Variants in MUC4 observed in about 807,000 individuals in gnomAD.
MUC4 encodes mucin-4.
A neutral mutation model predicts 257.9 loss-of-function variants in MUC4; 202 were observed. The ratio of observed to expected loss-of-function variants is 0.78; its 90% CI spans 0.70 to 0.88. The LOEUF (loss-of-function observed/expected upper bound fraction) is 0.88, where lower values mean the gene tolerates loss of function less well. MUC4 is among the 40% of genes least tolerant of loss of function. The pLI is 0.00. For missense variants in MUC4, 5,976 were observed against 6,513.7 expected (o/e 0.92, Z 2.84); for synonymous variants, 2,351 against 2,757.1 (o/e 0.85, Z 4.62).
At chr3:195,809,343 G>A (rs536125635) in intron 1 of MUC4, among the ~76,000 whole-genome samples, 6 of 152,302 alleles carry the variant, frequency 3.9e-5, no homozygotes, top group African/African-American at 1.4e-4. Context: ...GTATAGGCAG[G>A]TCATCTGTAA....
intron 2 of MUC4, 24 bp downstream of exon 2, chr3:195,778,765 TA>T (rs772967454): frequency 6.3e-7 from 1 of 1,589,278 alleles, no homozygotes; most frequent in Non-Finnish European, 8.6e-7. Context: ...CTGGGAGACA[TA>T]AAGGCGAGGC....
rs763251720 is a variant in MUC4, at chr3:195,789,677, A to G, written c.1903T>C (p.Ser635Pro). 1 of 1,613,936 alleles carries G rather than the reference A, an allele frequency of 6.2e-7. No homozygotes were observed. Among genetic ancestry groups the G allele is most frequent in the Admixed American group, 1.7e-5 (1 of 60,020 alleles). ...STSPQESPAVSQRGHTQAPQT... is the reference protein window; with the variant it reads ...STSPQESPAVPQRGHTQAPQT... ...GGGGCTTGAGTGTGACCCCTTTGGG[A>G]AACAGCTGGTGATTCCTGAGGAGAG... The change falls in exon 2 of 25, where the codon TCC becomes CCC. Residue 635 changes from serine (S) to proline (P), a missense_variant. Physicochemically the swap from Ser to Pro is moderately conservative, Grantham distance 74. Around this residue, in one of 44 missense-constraint regions of MUC4, gnomAD observed 1,583 missense variants for 1,257.4 expected, o/e 1.26. Coordinates refer to ENST00000463781, the MANE Select transcript of MUC4 (RefSeq NM_018406.7).
At chr3:195,802,590 C>A (rs1265394060) in intron 1 of MUC4, among the ~76,000 whole-genome samples, 1 of 151,942 alleles carries the variant, frequency 6.6e-6, no homozygotes, top group Non-Finnish European at 1.5e-5. Context: ...GTCCCGGGGG[C>A]GTGGGTCTAG....
Position 195,747,316 on chromosome 3 carries a change from C to T in MUC4, c.16099G>A (p.Asp5367Asn), listed in dbSNP as rs755852768. The T allele has an allele frequency of 2.2e-5, 35 of 1,614,000 alleles. No homozygotes were observed. Among genetic ancestry groups the T allele is most frequent in the East Asian group, 4.5e-5 (2 of 44,906 alleles). The change falls in exon 25 of 25, where the codon GAC becomes AAC. Residue 5367 changes from aspartate to asparagine, a missense_variant. This residue lies in a region of MUC4 where 310 missense variants were observed against 242.1 expected (regional missense o/e 1.28). Coordinates refer to ENST00000463781, the MANE Select transcript of MUC4 (RefSeq NM_018406.7). The stretch of plus-strand genomic sequence containing the variant: ...CCAAAGAAGATGCCGAAGAACGCGT[C>T]GAGTTTCATGCTCAGGTGCTCACAG... ...EHCEHLSMKL[D>N]AFFGIFFGAL...
rs771393034 is a variant in MUC4 at position 195,790,214 on chromosome 3, T to C, written c.1366A>G (p.Ser456Gly). ...CGTCCTGTGGTCTCTGCACCTTCACTCTGCTGGGTGTGGAAAGCTGTGGAT... is the reference window on the plus strand; with the variant it reads ...CGTCCTGTGGTCTCTGCACCTTCACCCTGCTGGGTGTGGAAAGCTGTGGAT... ...KISTAFHTQQ[S>G]EGAETTGRPH... The change falls in exon 2 of 25, where the codon AGT becomes GGT. Residue 456 changes from serine to glycine, a missense_variant. By Grantham distance (56) the Ser-to-Gly change is moderately conservative. This residue lies in a region of MUC4 where 1,583 missense variants were observed against 1,257.4 expected (regional missense o/e 1.26). Coordinates refer to ENST00000463781, the MANE Select transcript of MUC4 (RefSeq NM_018406.7). 6 of 1,613,904 alleles carry C rather than the reference T, an allele frequency of 3.7e-6. No homozygotes were observed. The highest frequency in any genetic ancestry group is 5.1e-6 in the Non-Finnish European group (6 of 1,179,904).
chr3:195,791,818 T>C (rs1411875570), intron 1 of MUC4, among the ~76,000 whole-genome samples: 3 of 152,116 alleles, frequency 2.0e-5, no homozygotes, highest in African/African-American at 4.8e-5. Context: ...AATAGATACC[T>C]TGGAAATAAG....
chr3:195,781,211 G>A lies in MUC4; in HGVS notation c.10369C>T (p.Leu3457Phe), dbSNP rs552594106. The part of the protein sequence containing the change: ...SSASTGHTTP[L>F]PVTDTSSAST... ...GCTGAGGAAGTGTCGGTGACAGGAA[G>A]AGGGGTGGTGTGACCTGTAGATGCT... Residue 3457 changes from leucine (L) to phenylalanine (F), a missense_variant, in exon 2 of 25, where the codon CTT becomes TTT. Coordinates refer to ENST00000463781, the MANE Select transcript of MUC4 (RefSeq NM_018406.7). 38 of 1,416,362 alleles carry A rather than the reference G, an allele frequency of 2.7e-5. No homozygotes were observed. Among genetic ancestry groups the A allele is most frequent in the Non-Finnish European group, 3.3e-5 (35 of 1,059,420 alleles). The allele number at this position is 1,416,362 out of a possible 1,614,324, so 87.7% of individuals were successfully genotyped here.
rs776710666 is a variant in MUC4, at chr3:195,786,821, C to G, written c.4759G>C (p.Val1587Leu). ...TTGGATGCTGAGGAAGTGTCGGTGA[C>G]AGGAAGAGGGGTGGTGTGACCTGTA... ...ASTGHTTPLP[V>L]TDTSSASKGD... Residue 1587 changes from valine to leucine, a missense_variant, in exon 2 of 25, where the codon GTC becomes CTC. Physicochemically the swap from Val to Leu is conservative, Grantham distance 32. Transcript: ENST00000463781. The G allele has an allele frequency of 1.3e-6, 2 of 1,524,806 alleles. No individual in the cohort carries two copies. The highest frequency in any genetic ancestry group is 2.9e-5 in the African/African-American group (2 of 68,622). 94.5% of individuals were successfully genotyped at this position (1,524,806 alleles called of 1,614,324 possible).
chr3:195,772,285 C>T (rs765805833), intron 4 of MUC4, among the ~76,000 whole-genome samples: 1 of 151,458 alleles, frequency 6.6e-6, no homozygotes, highest in Non-Finnish European at 1.5e-5. Context: ...TGCAGACACC[C>T]CATCTCCATC....
rs1465438593 is a variant in MUC4 at position 195,747,280 on chromosome 3, C to T, written c.16135G>A (p.Gly5379Ser). 1 of 1,614,230 alleles carries T rather than the reference C, an allele frequency of 6.2e-7. No individual in the cohort carries two copies. Among genetic ancestry groups the T allele is most frequent in the Non-Finnish European group, 8.5e-7 (1 of 1,180,020 alleles). The change falls in exon 25 of 25, where the codon GGC becomes AGC. Residue 5379 changes from glycine to serine, a missense_variant. Physicochemically the swap from Gly to Ser is moderately conservative, Grantham distance 56. Around this residue, in one of 44 missense-constraint regions of MUC4, gnomAD observed 310 missense variants for 242.1 expected, o/e 1.28. Transcript: ENST00000463781. ...FFGIFFGALG[G>S]LLLLGVGTFV... ...GTCCCGACCCCCAGCAGCAAGAGGC[C>T]GCCCAGGGCCCCAAAGAAGATGCCG...
intron 18 of MUC4, among the ~76,000 whole-genome samples, chr3:195,754,952 G>GTGCATCCATGTGTGTA (rs1717355904): frequency 7.7e-6 from 1 of 129,282 alleles, no homozygotes; most frequent in South Asian, 2.6e-4. Context: ...ATCCATATGT[G>GTGCATCCATGTGTGTA]TGTATCCATG....
At chr3:195,768,970 T>A in intron 7 of MUC4, 52 bp downstream of exon 7, 1 of 1,583,420 alleles carries the variant, frequency 6.3e-7, no homozygotes, top group Non-Finnish European at 8.6e-7. Flanking sequence ...GAAAGCCGAC[T>A]CTACACCCCT....
rs80123784 is a variant in MUC4, at chr3:195,786,512, T to A, written c.5068A>T (p.Thr1690Ser). ...GGAAGACGGGTGGTGTCATCTGTGG[T>A]AGCTGAGGAAAGGCCGGTGACAGGA... ...PLPVTGLSSA[T>S]TDDTTRLPVT... The change falls in exon 2 of 25, where the codon ACC (threonine) becomes TCC (serine). Residue 1690 changes from threonine (T) to serine (S), a missense_variant. Thr to Ser is a moderately conservative substitution (Grantham distance 58, BLOSUM62 1). This residue lies in a region of MUC4 where 138 missense variants were observed against 107.8 expected (regional missense o/e 1.28). Transcript: ENST00000463781. The A allele has an allele frequency of 0.099, 123,781 of 1,255,560 alleles. 16,759 individuals carry two copies. The highest frequency in any genetic ancestry group is 0.44 in the African/African-American group (17,596 of 39,952). The allele number at this position is 1,255,560 out of a possible 1,614,324, so 77.8% of individuals were successfully genotyped here.
chr3:195,758,457 A>C (rs1037313905), intron 17 of MUC4, among the ~76,000 whole-genome samples: 1 of 152,172 alleles, frequency 6.6e-6, no homozygotes, highest in African/African-American at 2.4e-5. Context: ...TAGATATAAA[A>C]ATGTTGTAAA....
chr3:195,773,356 G>A (rs942150812), intron 4 of MUC4, among the ~76,000 whole-genome samples: 1 of 149,832 alleles, frequency 6.7e-6, no homozygotes, highest in African/African-American at 2.5e-5. Context: ...TCGCTCAGGG[G>A]TGTAGACACC....
At chr3:195,766,818 T>C in intron 7 of MUC4, 67 bp from the exon 8 acceptor site, 1 of 1,406,814 alleles carries the variant, frequency 7.1e-7, no homozygotes, top group Non-Finnish European at 1.0e-6. Flanking sequence ...TTGCAAGGCG[T>C]CCATTCATCC....
rs749342104 is a variant in MUC4 at position 195,778,781 on chromosome 3, G to C, written c.12790+9C>G. 3.1e-6 allele frequency: 5 copies of C among 1,604,044 alleles called. No homozygotes were observed. In the East Asian group the frequency reaches 1.1e-4, roughly 36 times the overall value. ...TGGGAGACATAAAGGCGAGGCAGTT[G>C]GCAGCTACCTGGTGTTTCCATCTTC... On this transcript the variant is annotated intron_variant, in intron 2 of 24. Transcript: ENST00000463781.
intron 15 of MUC4, 53 bp from the exon 16 acceptor site, chr3:195,761,170 T>G: frequency 6.6e-7 from 1 of 1,526,478 alleles, no homozygotes; most frequent in African/African-American, 1.4e-5. Flanking sequence ...CCTTATTCCA[T>G]CTGTGTCCAC....
chr3:195,797,969 A>T (rs1309967285), intron 1 of MUC4, among the ~76,000 whole-genome samples: 2 of 152,048 alleles, frequency 1.3e-5, no homozygotes, highest in African/African-American at 4.8e-5. Flanking sequence ...AAAATAAAAA[A>T]TTAGCTGGGC....
Sources: gnomAD v4.1 joint callset for allele counts (sites outside exome capture counted in the v4.1 genomes callset) on GRCh38, gnomAD v4.1.1 for gene constraint, gnomAD v4.1.1 regional missense constraint, MANE v1.5 for transcripts, NCBI Gene and HGNC (gene_info 2026-07-23, HGNC 2026-07-21) for gene names.